Variants in CATSPERE observed in about 807,000 individuals in gnomAD.
CATSPERE encodes the protein cation channel sperm-associated auxiliary subunit epsilon.
In CATSPERE, 93 loss-of-function variants were observed where a neutral mutation model predicts 114.1. The ratio of observed to expected loss-of-function variants is 0.81; its 90% confidence interval spans 0.69 to 0.97. CATSPERE has a LOEUF of 0.97. CATSPERE is among the 50% of genes least tolerant of loss of function. CATSPERE has a pLI of 0.00. For missense variants in CATSPERE, 1,058 were observed against 1,131.6 expected (o/e 0.93, Z 0.93); for synonymous variants, 341 against 384.1 (o/e 0.89, Z 1.31).
In CATSPERE at chr1:244,605,742, T is replaced by C; in HGVS notation, c.2351T>C (p.Val784Ala). 2 of 1,613,670 alleles carry C rather than the reference T, an allele frequency of 1.2e-6. No homozygotes were observed. Among genetic ancestry groups the C allele is most frequent in the South Asian group, 2.2e-5 (2 of 91,020 alleles). The change falls in exon 18 of 22, where the codon GTG (valine) becomes GCG (alanine). Residue 784 changes from valine to alanine, a missense_variant. Physicochemically the swap from Val to Ala is moderately conservative, Grantham distance 64. Around this residue, in one of 2 missense-constraint regions of CATSPERE, gnomAD observed 787 missense variants for 905.6 expected, o/e 0.87. Transcript: ENST00000366534. ...YVKDVEANFI[V>A]WEIHGRDDYS... ...AAAGACGTTGAAGCAAATTTCATAG[T>C]GTGGGAAATACACGGCAGGGATGAC...
intron 7 of CATSPERE, among the ~76,000 whole-genome samples, chr1:244,503,369 G>T: frequency 6.6e-6 from 1 of 152,056 alleles, no homozygotes; most frequent in Non-Finnish European, 1.5e-5. Flanking sequence ...TTCAAATATT[G>T]TCTGTGCCTC....
Position 244,572,733 on chromosome 1 carries a change from T to G in CATSPERE, c.1911T>G (p.Ile637Met). ...GPKILQESHE[I>M]SFEAAFGYCT... Reference sequence around the variant, plus strand: ...AAATATTACAAGAGAGTCATGAGATTTCCTTTGAAGCTGCCTTTGGATACT... The same window carrying G: ...AAATATTACAAGAGAGTCATGAGATGTCCTTTGAAGCTGCCTTTGGATACT... The change falls in exon 11 of 22, where the codon ATT (isoleucine) becomes ATG (methionine). Residue 637 changes from isoleucine to methionine, a missense_variant. Physicochemically the swap from Ile to Met is conservative, Grantham distance 10 (BLOSUM62 1). This residue lies in a region of CATSPERE where 787 missense variants were observed against 905.6 expected (regional missense o/e 0.87). Coordinates refer to ENST00000366534, the MANE Select transcript of CATSPERE (RefSeq NM_001130957.2). 11 of 1,610,020 alleles carry G rather than the reference T, an allele frequency of 6.8e-6. No homozygotes were observed. The highest frequency in any genetic ancestry group is 9.3e-6 in the Non-Finnish European group (11 of 1,178,580).
chr1:244,583,468 C>A (rs776600705), intron 12 of CATSPERE, among the ~76,000 whole-genome samples: 1 of 152,112 alleles, frequency 6.6e-6, no homozygotes, highest in Non-Finnish European at 1.5e-5. Context: ...GAGGGGAAAA[C>A]GGGTAGGAGC....
At chr1:244,619,474 G>A (rs1367240564) in intron 20 of CATSPERE, among the ~76,000 whole-genome samples, 3 of 152,212 alleles carry the variant, frequency 2.0e-5, no homozygotes, top group African/African-American at 7.2e-5. Context: ...AAAAGAGGGT[G>A]TCTCAAAACT....
Position 244,489,776 on chromosome 1 carries a change from T to A in CATSPERE, c.327-671T>A, listed in dbSNP as rs1349563151. Among the ~76,000 whole-genome samples, 6 of 152,156 alleles carry A rather than the reference T, an allele frequency of 3.9e-5. No homozygotes were observed. In the East Asian group the frequency reaches 1.2e-3, roughly 29 times the overall value. On this transcript the variant is annotated intron_variant, in intron 5 of 21. Coordinates refer to ENST00000366534, the MANE Select transcript of CATSPERE (RefSeq NM_001130957.2). ...GAAAACTTTAACTGCCATCTCCACT[T>A]TACGCCTGAGTTGCTTTAAGATTAG...
upstream of CATSPERE, among the ~76,000 whole-genome samples, chr1:244,454,037 T>G (rs1665891328): frequency 6.6e-6 from 1 of 152,176 alleles, no homozygotes; most frequent in Non-Finnish European, 1.5e-5. Context: ...GGGATCTGAT[T>G]GGGAACGCCT....
intron 8 of CATSPERE, among the ~76,000 whole-genome samples, chr1:244,533,128 G>T (rs3005956): frequency 6.6e-6 from 1 of 151,760 alleles, no homozygotes; most frequent in Non-Finnish European, 1.5e-5. Context: ...GTCTCTTTTT[G>T]TGGTTTTTGT....
chr1:244,634,805 C>T (rs1356213290), intron 20 of CATSPERE, among the ~76,000 whole-genome samples: 2 of 152,218 alleles, frequency 1.3e-5, no homozygotes, highest in Admixed American at 6.5e-5. Context: ...TGCATGTAAG[C>T]GTTTGGCATG....
At position 244,601,756 on chromosome 1, in the gene CATSPERE, C is replaced by G. The variant is rs374723239; in HGVS notation, c.2304-3939C>G. 1.2e-4 allele frequency among the ~76,000 whole-genome samples: 18 copies of G among 152,220 alleles called. No homozygotes were observed. The East Asian group carries it at 1.4e-3, about 11-fold the overall frequency. ...TCACTTGAGGTCAGGAGTTCGAAAC[C>G]AGCCTGGCCAACATGGTGAAACCCC... On this transcript the variant is annotated intron_variant, in intron 17 of 21. Coordinates refer to ENST00000366534, the MANE Select transcript of CATSPERE (RefSeq NM_001130957.2).
intron 17 of CATSPERE, among the ~76,000 whole-genome samples, chr1:244,596,430 T>C (rs1350397633): frequency 3.3e-5 from 5 of 152,204 alleles, no homozygotes; most frequent in Non-Finnish European, 7.3e-5. Context: ...TCTTTCACTG[T>C]CAGCTCAATC....
intron 19 of CATSPERE, among the ~76,000 whole-genome samples, chr1:244,610,960 C>T (rs572776235): frequency 2.6e-5 from 4 of 152,114 alleles, no homozygotes; most frequent in South Asian, 2.1e-4. Flanking sequence ...GGCATTTCAC[C>T]ATGTTGGCCA....
intron 6 of CATSPERE, among the ~76,000 whole-genome samples, chr1:244,491,196 T>A (rs948994851): frequency 3.3e-5 from 5 of 152,050 alleles, no homozygotes; most frequent in Non-Finnish European, 7.4e-5. Context: ...TACTTGGAAG[T>A]AAAGCTCTCC....
chr1:244,460,901 G>A (rs1666641219), upstream of CATSPERE, among the ~76,000 whole-genome samples: 1 of 152,240 alleles, frequency 6.6e-6, no homozygotes, highest in Non-Finnish European at 1.5e-5. Flanking sequence ...CTGGGGGACA[G>A]AGTGTGACTC....
At chr1:244,612,353 A>G (rs1670850459) in intron 19 of CATSPERE, among the ~76,000 whole-genome samples, 1 of 152,062 alleles carries the variant, frequency 6.6e-6, no homozygotes, top group African/African-American at 2.4e-5. Flanking sequence ...AGCTACACTA[A>G]TTGCTACATA....
At chr1:244,580,893 C>T (rs1005482026) in intron 11 of CATSPERE, among the ~76,000 whole-genome samples, 20 of 151,928 alleles carry the variant, frequency 1.3e-4, no homozygotes, top group African/African-American at 4.6e-4. Flanking sequence ...CCCAGCTACT[C>T]GGGAGGCTGA....
In CATSPERE at chr1:244,531,978, C is replaced by A. The variant is rs546145783; in HGVS notation, c.536+13280C>A. Among the ~76,000 whole-genome samples, 5 of 152,240 alleles carry A rather than the reference C, an allele frequency of 3.3e-5. No individual in the cohort carries two copies. The East Asian group carries it at 9.7e-4, about 29-fold the overall frequency. ...TCCTGGGCTTTTCTTTGCTGGGAGA[C>A]TTTTTACTATGGCTTCAATCTCATT... On this transcript the variant is annotated intron_variant, in intron 8 of 21. Coordinates refer to ENST00000366534, the MANE Select transcript of CATSPERE (RefSeq NM_001130957.2).
chr1:244,637,697 C>G (rs1423056212), intron 21 of CATSPERE, among the ~76,000 whole-genome samples: 1 of 152,192 alleles, frequency 6.6e-6, no homozygotes, highest in African/African-American at 2.4e-5. Flanking sequence ...ATTTGTTACT[C>G]CCTCTGGCAA....
rs567893445 is a variant in CATSPERE at position 244,566,175 on chromosome 1, G to A, written c.1507+5030G>A. On this transcript the variant is annotated intron_variant, in intron 10 of 21. Transcript: ENST00000366534. ...TGAGTTCTAATTTGATTGCACTGTG[G>A]TCTGAGAGACTGTTTGTTATGATTT... 4.6e-5 allele frequency among the ~76,000 whole-genome samples: 7 copies of A among 152,286 alleles called. No homozygotes were observed. In the East Asian group the frequency reaches 1.2e-3, roughly 25 times the overall value.
intron 5 of CATSPERE, among the ~76,000 whole-genome samples, chr1:244,480,358 A>G (rs892745136): frequency 2.0e-5 from 3 of 152,202 alleles, no homozygotes; most frequent in Non-Finnish European, 4.4e-5. Context: ...TAGTCTCGGC[A>G]ACATCCCAGG....
Sources: allele counts gnomAD v4.1 joint callset (sites outside exome capture counted in the v4.1 genomes callset), GRCh38; gene constraint gnomAD v4.1.1; regional missense constraint gnomAD v4.1.1; transcripts MANE v1.5; gene names NCBI Gene and HGNC (gene_info 2026-07-23, HGNC 2026-07-21).